The following EYS variants were observed in gnomAD, a reference collection of about 807,000 sequenced individuals.
The protein encoded by EYS is EGF-like photoreceptor maintenance factor.
In EYS, 250 loss-of-function variants were observed where a neutral mutation model predicts 282.1. The ratio of observed to expected loss-of-function variants is 0.89; its 90% CI spans 0.80 to 0.98. The LOEUF (loss-of-function observed/expected upper bound fraction) is 0.98, where lower values mean the gene tolerates loss of function less well. Ranked by LOEUF, EYS falls within the 50% of genes least tolerant of loss-of-function variation. EYS has a pLI of 0.00. For synonymous variants in EYS, 1,355 were observed against 1,282.9 expected (o/e 1.06, Z -1.20); for missense variants, 4,016 against 3,709.0 (o/e 1.08, Z -2.15).
chr6:64,499,736 T>C (rs557268995), intron 26 of EYS, among the ~76,000 whole-genome samples: 1 of 152,190 alleles, frequency 6.6e-6, no homozygotes, highest in Admixed American at 6.5e-5. Flanking sequence ...CTTCCCCTTA[T>C]CAAAATGTTC....
chr6:65,580,037 T>G lies in EYS; in HGVS notation c.-333+59741A>C, dbSNP rs556481659. ...TATCTCCATTACCATGGCATTTTAC[T>G]AAATAATATATCAGAATATAATTAA... On this transcript the variant is annotated intron_variant, in intron 2 of 42. Coordinates refer to ENST00000503581, the MANE Select transcript of EYS (RefSeq NM_001142800.2). Among the ~76,000 whole-genome samples the G allele has an allele frequency of 2.6e-4, 39 of 152,292 alleles. 1 individual carries two copies. The East Asian group carries it at 7.2e-3, about 28-fold the overall frequency.
At position 65,369,612 on chromosome 6, in the gene EYS, T is replaced by C. The variant is rs185345000; in HGVS notation, c.1299+14774A>G. Among the ~76,000 whole-genome samples, 3 of 151,486 alleles carry C rather than the reference T, an allele frequency of 2.0e-5. No homozygotes were observed. The Admixed American group carries it at 2.0e-4, about 10-fold the overall frequency. On this transcript the variant is annotated intron_variant, in intron 8 of 42. Coordinates refer to ENST00000503581, the MANE Select transcript of EYS (RefSeq NM_001142800.2). ...TTTTTTCTTACTATTTTCCACTTTC[T>C]GCAACCTAAACTTCCTCTAAGGAAG...
chr6:63,904,215 G>A (rs1392315552), intron 35 of EYS, among the ~76,000 whole-genome samples: 1 of 152,166 alleles, frequency 6.6e-6, no homozygotes, highest in Non-Finnish European at 1.5e-5. Flanking sequence ...AGTAAAGGAT[G>A]TGCAGCTTGT....
rs180915451 is a variant in EYS at position 64,533,465 on chromosome 6, A to T, written c.5644+56758T>A. Among the ~76,000 whole-genome samples, 24 of 152,260 alleles carry T rather than the reference A, an allele frequency of 1.6e-4. No homozygotes were observed. The East Asian group carries it at 4.2e-3, about 27-fold the overall frequency. ...AGAAAAAATAAAAGCAGCAGGGTTGATATATCACATCATGACATCAATGAT... is the reference window on the plus strand; with the variant it reads ...AGAAAAAATAAAAGCAGCAGGGTTGTTATATCACATCATGACATCAATGAT... On this transcript the variant is annotated intron_variant, in intron 26 of 42. Coordinates refer to ENST00000503581, the MANE Select transcript of EYS (RefSeq NM_001142800.2).
rs183686290 is a variant in EYS, at chr6:65,182,870, C to A, written c.2023+112993G>T. Among the ~76,000 whole-genome samples the A allele has an allele frequency of 2.0e-5, 3 of 152,026 alleles. No homozygotes were observed. The East Asian group carries it at 5.9e-4, about 30-fold the overall frequency. On this transcript the variant is annotated intron_variant, in intron 12 of 42. Transcript: ENST00000503581. ...GAGGCACAATCTTGACTCACCGCAT[C>A]CTTGACCTCTCTGGCTCAAGTGATC...
At chr6:65,603,345 T>C (rs888296616) in intron 2 of EYS, among the ~76,000 whole-genome samples, 1 of 151,442 alleles carries the variant, frequency 6.6e-6, no homozygotes, top group Non-Finnish European at 1.5e-5. Context: ...TAATGGACCA[T>C]GGACTTGAGA....
intron 12 of EYS, among the ~76,000 whole-genome samples, chr6:65,221,354 T>A (rs945204747): frequency 1.3e-5 from 2 of 152,180 alleles, no homozygotes; most frequent in African/African-American, 4.8e-5. Flanking sequence ...GTTCCAGGCC[T>A]AGGGCCATGC....
intron 26 of EYS, among the ~76,000 whole-genome samples, chr6:64,574,467 T>A (rs1234351616): frequency 1.3e-5 from 2 of 152,136 alleles, no homozygotes; most frequent in Non-Finnish European, 2.9e-5. Flanking sequence ...TAAGCTGTGG[T>A]TGAATACAAG....
At chr6:63,735,127 G>A (rs995709129) in intron 41 of EYS, among the ~76,000 whole-genome samples, 5 of 152,074 alleles carry the variant, frequency 3.3e-5, no homozygotes, top group African/African-American at 9.7e-5. Flanking sequence ...CAGGTAGCAC[G>A]AGGCCTTACA....
At chr6:65,157,790 T>A (rs973737843) in intron 12 of EYS, among the ~76,000 whole-genome samples, 5 of 141,402 alleles carry the variant, frequency 3.5e-5, no homozygotes. Flanking sequence ...TTATGACAGG[T>A]TTTTTCCCCC....
chr6:65,055,086 A>G (rs1215116094), intron 13 of EYS, among the ~76,000 whole-genome samples: 1 of 151,994 alleles, frequency 6.6e-6, no homozygotes, highest in Admixed American at 6.6e-5. Context: ...GGGTCAACCA[A>G]TCCTCCTGCT....
intron 28 of EYS, among the ~76,000 whole-genome samples, chr6:64,397,203 G>A (rs1288869929): frequency 6.6e-6 from 1 of 151,848 alleles, no homozygotes; most frequent in African/African-American, 2.4e-5. Context: ...TATGATATAT[G>A]GCTTTCTTAT....
At chr6:65,068,931 T>C (rs1773829528) in intron 12 of EYS, among the ~76,000 whole-genome samples, 1 of 151,242 alleles carries the variant, frequency 6.6e-6, no homozygotes, top group Non-Finnish European at 1.5e-5. Flanking sequence ...TCCTCTAATA[T>C]CTAATCTTGC....
intron 22 of EYS, among the ~76,000 whole-genome samples, chr6:64,782,689 C>T (rs1175307717): frequency 6.6e-6 from 1 of 152,032 alleles, no homozygotes; most frequent in Non-Finnish European, 1.5e-5. Flanking sequence ...ATGTTTTAAC[C>T]AATGCATCTG....
intron 22 of EYS, among the ~76,000 whole-genome samples, chr6:64,719,528 A>G (rs7745058): frequency 0.98 from 149,304 of 152,324 alleles, 73,207 homozygotes; most frequent in Non-Finnish European, 1. Context: ...AAGGAACAAA[A>G]GAAAAATTCC....
At chr6:64,539,715 A>G (rs1392860774) in intron 26 of EYS, among the ~76,000 whole-genome samples, 1 of 152,220 alleles carries the variant, frequency 6.6e-6, no homozygotes, top group Non-Finnish European at 1.5e-5. Context: ...ACCTCTAAGA[A>G]ACCACTGCCA....
At chr6:64,029,802 C>A (rs535187448) in intron 33 of EYS, among the ~76,000 whole-genome samples, 1 of 152,144 alleles carries the variant, frequency 6.6e-6, no homozygotes, top group Non-Finnish European at 1.5e-5. Flanking sequence ...GGCACTTACC[C>A]GAGCCTTAGA....
At chr6:64,373,984 C>A (rs566224263) in intron 29 of EYS, among the ~76,000 whole-genome samples, 1 of 151,908 alleles carries the variant, frequency 6.6e-6, no homozygotes. Context: ...TGTGGGGATG[C>A]CTGCCCTTCC....
chr6:65,178,278 C>A (rs750650159), intron 12 of EYS, among the ~76,000 whole-genome samples: 2 of 151,946 alleles, frequency 1.3e-5, no homozygotes, highest in Admixed American at 1.3e-4. Flanking sequence ...TCCCTTGCAA[C>A]GTACTGTTCC....
Sources: gnomAD v4.1 joint callset for allele counts (sites outside exome capture counted in the v4.1 genomes callset) on GRCh38, gnomAD v4.1.1 for gene constraint, MANE v1.5 for transcripts, NCBI Gene and HGNC (gene_info 2026-07-23, HGNC 2026-07-21) for gene names.